NOVA2: variants seen among roughly 807,000 people sequenced by gnomAD.
NOVA2 encodes NOVA alternative splicing regulator 2.
In NOVA2, 9 loss-of-function variants were observed where a neutral mutation model predicts 22.5. The observed-to-expected ratio is 0.40, with a 90% CI of 0.24 to 0.70. NOVA2 has a LOEUF of 0.70. NOVA2 is among the 30% of genes least tolerant of loss of function. The probability of loss-of-function intolerance (pLI) is 0.38; values close to 1 mark genes in which losing one functional copy is unlikely to be tolerated. For synonymous variants in NOVA2, 318 were observed against 335.2 expected, an observed-to-expected ratio of 0.95 and a Z score of 0.56; for missense variants, 383 against 682.8, an observed-to-expected ratio of 0.56 and a Z score of 4.89.
intron 1 of NOVA2, among the ~76,000 whole-genome samples, chr19:45,970,840 G>A (rs912010168): frequency 6.6e-6 from 1 of 152,152 alleles, no homozygotes; most frequent in Admixed American, 6.5e-5. Flanking sequence ...GCCCCTGAGT[G>A]TGTTTCTGTC....
chr19:45,964,945 T>G (rs1237800098), intron 1 of NOVA2, among the ~76,000 whole-genome samples: 1 of 152,078 alleles, frequency 6.6e-6, no homozygotes. Flanking sequence ...GATGTGGCTT[T>G]GCAGGCATGG....
rs771592016 is a variant in NOVA2 at position 45,940,369 on chromosome 19, T to TGGC, written c.970_972dup (p.Ala324dup). 3.1e-5 allele frequency: 43 copies of TGGC among 1,395,796 alleles called. No homozygotes were observed. Among genetic ancestry groups the TGGC allele is most frequent in the African/African-American group, 4.6e-5 (3 of 65,510 alleles). 86.5% of individuals were successfully genotyped at this position (1,395,796 alleles called of 1,614,324 possible). A position where few individuals can be genotyped will look rare whatever the true frequency, so the allele number is the denominator to read the frequency against. On this transcript the variant is annotated inframe_insertion, in exon 4 of 4. Transcript: ENST00000263257. ...TCGCCCGCGTAGGATGCCAGGAGGT[T>TGGC]GGCGGCGGCGGCGGCTGCTGGGTTG...
intron 2 of NOVA2, among the ~76,000 whole-genome samples, chr19:45,960,613 G>C (rs192936622): frequency 6.6e-6 from 1 of 151,968 alleles, no homozygotes; most frequent in African/African-American, 2.4e-5. Flanking sequence ...AAGAGGGGGT[G>C]ACAGAATTCC....
intron 2 of NOVA2, among the ~76,000 whole-genome samples, chr19:45,958,622 TGTGA>T (rs1360055912): frequency 1.2e-4 from 18 of 151,772 alleles, no homozygotes; most frequent in African/African-American, 2.9e-4. Flanking sequence ...TGTCAGCGTG[TGTGA>T]GTGTGAGCGT....
At chr19:45,961,541 G>C (rs1260840105) in intron 1 of NOVA2, among the ~76,000 whole-genome samples, 1 of 151,460 alleles carries the variant, frequency 6.6e-6, no homozygotes, top group Non-Finnish European at 1.5e-5. Flanking sequence ...GGGGGTCAGG[G>C]AGGGTGGGAG....
chr19:45,962,375 G>A (rs1968108831), intron 1 of NOVA2: 1 of 152,738 alleles, frequency 6.5e-6, no homozygotes, highest in Admixed American at 6.5e-5. Flanking sequence ...TACACAAGAG[G>A]AAACTGAGGC....
chr19:45,941,217 A>C (rs947302389), intron 3 of NOVA2, among the ~76,000 whole-genome samples: 2 of 151,874 alleles, frequency 1.3e-5, no homozygotes, highest in African/African-American at 4.8e-5. Flanking sequence ...GCTTGAACCC[A>C]GGAGAGGGAG....
chr19:45,953,982 G>A, intron 2 of NOVA2, 36 bp from the exon 3 acceptor site: 3 of 1,608,182 alleles, frequency 1.9e-6, no homozygotes, highest in Non-Finnish European at 2.6e-6. Flanking sequence ...ACACTCATGA[G>A]ACAGGAATGG....
intron 3 of NOVA2, among the ~76,000 whole-genome samples, chr19:45,943,311 C>T (rs867083069): frequency 1.3e-5 from 2 of 151,734 alleles, no homozygotes; most frequent in South Asian, 4.2e-4. Flanking sequence ...CCACCTCAGC[C>T]TCCCAAAGTG....
intron 2 of NOVA2, among the ~76,000 whole-genome samples, chr19:45,954,592 G>A (rs751036752): frequency 6.6e-5 from 10 of 152,048 alleles, no homozygotes; most frequent in Admixed American, 2.6e-4. Context: ...GGGAGGGCAG[G>A]GGTGTGGACA....
At chr19:45,970,098 G>A (rs1415509687) in intron 1 of NOVA2, among the ~76,000 whole-genome samples, 1 of 152,176 alleles carries the variant, frequency 6.6e-6, no homozygotes, top group Non-Finnish European at 1.5e-5. Flanking sequence ...CTTATCAGCT[G>A]AGTGACGTTG....
chr19:45,944,840 C>T lies in NOVA2; in HGVS notation c.397-3895G>A, dbSNP rs150100027. Among the ~76,000 whole-genome samples, 656 of 152,310 alleles carry T rather than the reference C, an allele frequency of 4.3e-3. 8 individuals are homozygous for T. The highest frequency in any genetic ancestry group is 9.5e-3 in the Admixed American group (146 of 15,298). On this transcript the variant is annotated intron_variant, in intron 3 of 3. Coordinates refer to ENST00000263257, the MANE Select transcript of NOVA2 (RefSeq NM_002516.4). Reference sequence around the variant, plus strand: ...TAGGATTTCTTTTGGGTAATAGATACTTTCTGGAATTAGAAAGTGTTGATG... The same window carrying T: ...TAGGATTTCTTTTGGGTAATAGATATTTTCTGGAATTAGAAAGTGTTGATG...
intron 2 of NOVA2, among the ~76,000 whole-genome samples, chr19:45,958,572 TGTGA>T (rs930064764): frequency 2.0e-5 from 3 of 150,918 alleles, no homozygotes; most frequent in Middle Eastern, 3.4e-3. Flanking sequence ...GGTGTGAGGG[TGTGA>T]GTGTGAATGA....
intron 3 of NOVA2, among the ~76,000 whole-genome samples, chr19:45,947,749 G>A (rs1967863994): frequency 1.3e-5 from 2 of 152,092 alleles, no homozygotes; most frequent in Admixed American, 6.6e-5. Context: ...TGGGATTACA[G>A]GCCTGAGCCA....
Position 45,940,044 on chromosome 19 carries a change from T to C in NOVA2, c.1298A>G (p.Gln433Arg). The stretch of plus-strand genomic sequence containing the variant: ...CTGGATGCGAGCGCCCGTCAGCTCC[T>C]GGTACTCCACCAACGTCTTGCCCCC... ...GKGGKTLVEY[Q>R]ELTGARIQIS... Residue 433 changes from glutamine to arginine, a missense_variant, in exon 4 of 4, where the codon CAG (glutamine) becomes CGG (arginine). This residue lies in a region of NOVA2 where 34 missense variants were observed against 104.7 expected (regional missense o/e 0.32). Coordinates refer to ENST00000263257, the MANE Select transcript of NOVA2 (RefSeq NM_002516.4). The C allele has an allele frequency of 6.2e-7, 1 of 1,614,052 alleles. No homozygotes were observed. The highest frequency in any genetic ancestry group is 2.2e-5 in the East Asian group (1 of 44,858).
chr19:45,946,157 C>T (rs1967835024), intron 3 of NOVA2, among the ~76,000 whole-genome samples: 1 of 151,992 alleles, frequency 6.6e-6, no homozygotes, highest in South Asian at 2.1e-4. Flanking sequence ...CAAAAATTAA[C>T]TGAGTGTGGT....
chr19:45,959,615 G>A (rs1241646347), intron 2 of NOVA2, among the ~76,000 whole-genome samples: 2 of 151,988 alleles, frequency 1.3e-5, no homozygotes, highest in Admixed American at 6.6e-5. Flanking sequence ...GAGGAGGTGT[G>A]CCTGGTTCAC....
intron 1 of NOVA2, among the ~76,000 whole-genome samples, chr19:45,966,122 T>G (rs79671196): frequency 0.027 from 4,065 of 152,254 alleles, 198 homozygotes; most frequent in African/African-American, 0.093. Context: ...TTTCCCTCCT[T>G]CTTGGAGGAG....
In NOVA2 at chr19:45,965,639, A is replaced by G. The variant is rs544977262; in HGVS notation, c.86-4486T>C. ...CAGCTACTCGGGAGGCTGGGGCAGG[A>G]GAGTCGTTTGAACCCAGGAGGCAGA... On this transcript the variant is annotated intron_variant, in intron 1 of 3. Coordinates refer to ENST00000263257, the MANE Select transcript of NOVA2 (RefSeq NM_002516.4). 1.1e-3 allele frequency among the ~76,000 whole-genome samples: 166 copies of G among 152,206 alleles called. 1 individual carries two copies. Among genetic ancestry groups the G allele is most frequent in the African/African-American group, 3.9e-3 (161 of 41,528 alleles).
Sources: allele counts gnomAD v4.1 joint callset (sites outside exome capture counted in the v4.1 genomes callset), GRCh38; gene constraint gnomAD v4.1.1; regional missense constraint gnomAD v4.1.1; transcripts MANE v1.5; gene names NCBI Gene and HGNC (gene_info 2026-07-23, HGNC 2026-07-21).